IGSF5: variants seen among roughly 807,000 people sequenced by gnomAD.
The protein encoded by IGSF5 is immunoglobulin superfamily 5 like.
Under a neutral mutation model 39.4 loss-of-function variants are expected in IGSF5, and 41 were observed. The observed-to-expected ratio is 1.04, with a 90% CI of 0.81 to 1.35. The LOEUF (loss-of-function observed/expected upper bound fraction) is 1.35, where lower values mean the gene tolerates loss of function less well. Among genes scored for constraint, IGSF5 ranks in the 40% most tolerant of loss-of-function variants. IGSF5 has a pLI of 0.00. For synonymous variants in IGSF5, 183 were observed against 175.3 expected, an observed-to-expected ratio of 1.04 and a Z score of -0.34; for missense variants, 487 against 494.6, an observed-to-expected ratio of 0.98 and a Z score of 0.15.
At chr21:39,760,690 C>T (rs1425816440) in intron 2 of IGSF5, among the ~76,000 whole-genome samples, 1 of 152,076 alleles carries the variant, frequency 6.6e-6, no homozygotes, top group East Asian at 1.9e-4. Context: ...CCTGCTTCAG[C>T]CTCCCGAGTA....
At chr21:39,795,071 A>G (rs1017413261) in intron 8 of IGSF5, among the ~76,000 whole-genome samples, 1 of 152,184 alleles carries the variant, frequency 6.6e-6, no homozygotes, top group Non-Finnish European at 1.5e-5. Flanking sequence ...GGCCTGGGGC[A>G]TAAAGGCAAC....
At chr21:39,723,574 C>T in the IGSF5 span, among the ~76,000 whole-genome samples, 264 of 152,262 alleles carry the variant, frequency 1.7e-3, 1 homozygote, top group Middle Eastern at 6.8e-3. Flanking sequence ...CAAGAAGGAA[C>T]TTGGAATTCA....
chr21:39,759,951 A>G (rs1452713304), intron 2 of IGSF5, among the ~76,000 whole-genome samples: 1 of 151,780 alleles, frequency 6.6e-6, no homozygotes, highest in African/African-American at 2.4e-5. Context: ...TGGCTATTTC[A>G]GGAGAGGAGA....
At chr21:39,790,044 G>T (rs1446491338) in intron 6 of IGSF5, among the ~76,000 whole-genome samples, 1 of 152,158 alleles carries the variant, frequency 6.6e-6, no homozygotes, top group African/African-American at 2.4e-5. Flanking sequence ...GAAATTCACA[G>T]CTAGAACATC....
intron 2 of IGSF5, among the ~76,000 whole-genome samples, chr21:39,750,937 G>A (rs537731952): frequency 8.5e-5 from 13 of 152,220 alleles, no homozygotes; most frequent in Admixed American, 1.3e-4. Flanking sequence ...CCTTGACTCC[G>A]AAGGACTTGG....
intron 8 of IGSF5, among the ~76,000 whole-genome samples, chr21:39,799,118 C>A (rs965902528): frequency 2.6e-5 from 4 of 152,180 alleles, no homozygotes; most frequent in Non-Finnish European, 4.4e-5. Context: ...GGAGCTCCCC[C>A]TTTTGCTCAT....
At chr21:39,799,763 T>C (rs768473520) in intron 8 of IGSF5, among the ~76,000 whole-genome samples, 4 of 152,156 alleles carry the variant, frequency 2.6e-5, no homozygotes. Flanking sequence ...CCAGGGACAC[T>C]CTTAATTAAC....
chr21:39,784,948 T>C (rs1021354646), intron 5 of IGSF5, among the ~76,000 whole-genome samples: 1 of 151,844 alleles, frequency 6.6e-6, no homozygotes. Flanking sequence ...GGCAGCATTC[T>C]AGAGGGTCCC....
Position 39,792,831 on chromosome 21 carries a change from C to A in IGSF5, c.1049-703C>A, listed in dbSNP as rs538864692. Reference sequence around the variant, plus strand: ...AGCAGCAGCAGTTGAGTATTGAAGGCCGATGAGAGGGGAAGGCTGAACCCA... The same window carrying A: ...AGCAGCAGCAGTTGAGTATTGAAGGACGATGAGAGGGGAAGGCTGAACCCA... On this transcript the variant is annotated intron_variant, in intron 7 of 8. Coordinates refer to ENST00000380588, the MANE Select transcript of IGSF5 (RefSeq NM_001080444.2). Among the ~76,000 whole-genome samples the A allele has an allele frequency of 6.6e-5, 10 of 152,216 alleles. No individual in the cohort carries two copies. In the East Asian group the frequency reaches 1.9e-3, roughly 29 times the overall value.
chr21:39,783,776 A>C (rs2146289353), intron 5 of IGSF5, among the ~76,000 whole-genome samples: 2 of 152,288 alleles, frequency 1.3e-5, no homozygotes, highest in Middle Eastern at 6.8e-3. Flanking sequence ...TTGAAGACTT[A>C]GCCATAAAAT....
intron 3 of IGSF5, among the ~76,000 whole-genome samples, chr21:39,769,513 A>G (rs968861498): frequency 3.3e-5 from 5 of 151,064 alleles, no homozygotes; most frequent in African/African-American, 9.7e-5. Context: ...GTTTTGGTAC[A>G]GTATTCAAGA....
chr21:39,786,760 A>G (rs878943025), intron 5 of IGSF5, among the ~76,000 whole-genome samples: 2 of 152,246 alleles, frequency 1.3e-5, no homozygotes, highest in Non-Finnish European at 2.9e-5. Context: ...CATATTCACC[A>G]TGGAATACTA....
rs1296656401 is a variant in IGSF5, at chr21:39,771,219, A to G, written c.718+4A>G. 7 of 1,546,440 alleles carry G rather than the reference A, an allele frequency of 4.5e-6. No homozygotes were observed. Among genetic ancestry groups the G allele is most frequent in the Non-Finnish European group, 6.1e-6 (7 of 1,143,226 alleles). On this transcript the variant is annotated splice_donor_region_variant and intron_variant, in intron 4 of 8. Coordinates refer to ENST00000380588, the MANE Select transcript of IGSF5 (RefSeq NM_001080444.2). ...ACTGTGATTCGGTGTCCCCAAGGTA[A>G]GTGAAGACATTCTGCTTTATATGAA...
chr21:39,759,666 A>G (rs918116141), intron 2 of IGSF5, among the ~76,000 whole-genome samples: 1 of 152,132 alleles, frequency 6.6e-6, no homozygotes, highest in East Asian at 1.9e-4. Flanking sequence ...GGAGATTGAG[A>G]CCATCCTGGC....
At position 39,756,959 on chromosome 21, in the gene IGSF5, C is replaced by T. The variant is rs560237147; in HGVS notation, c.101-8576C>T. 2.0e-5 allele frequency among the ~76,000 whole-genome samples: 3 copies of T among 152,154 alleles called. No homozygotes were observed. In the South Asian group the frequency reaches 6.2e-4, roughly 32 times the overall value. On this transcript the variant is annotated intron_variant, in intron 2 of 8. Coordinates refer to ENST00000380588, the MANE Select transcript of IGSF5 (RefSeq NM_001080444.2). ...GCTTTACCCCATCTATCCTGGCCTC[C>T]CTGAACTCTGACCTCACTCCTTCCA...
intron 8 of IGSF5, among the ~76,000 whole-genome samples, chr21:39,795,510 T>C (rs1206081330): frequency 6.6e-6 from 1 of 151,262 alleles, no homozygotes; most frequent in African/African-American, 2.4e-5. Flanking sequence ...AGATTCAGAA[T>C]AGGGTCATGC....
rs1423214396 is a variant in IGSF5, at chr21:39,765,613, G to A, written c.179G>A (p.Cys60Tyr). 1 of 1,614,116 alleles carries A rather than the reference G, an allele frequency of 6.2e-7. No homozygotes were observed. The highest frequency in any genetic ancestry group is 8.5e-7 in the Non-Finnish European group (1 of 1,179,988). The change falls in exon 3 of 9, where the codon TGC (cysteine) becomes TAC (tyrosine). Residue 60 changes from cysteine to tyrosine, a missense_variant. Transcript: ENST00000380588. ...VLKGSQARFN[C>Y]TVSQGWKLIM... is the part of the protein sequence containing the mutation. ...AAGGGCTCCCAGGCTCGCTTCAACT[G>A]CACCGTCTCCCAGGGCTGGAAGCTC...
the IGSF5 span, among the ~76,000 whole-genome samples, chr21:39,728,488 A>T: frequency 6.6e-6 from 1 of 152,150 alleles, no homozygotes; most frequent in Non-Finnish European, 1.5e-5. Flanking sequence ...GCCTTCCCAC[A>T]TCTTGATCTT....
intron 8 of IGSF5, among the ~76,000 whole-genome samples, chr21:39,800,590 C>T (rs147087757): frequency 2.7e-3 from 413 of 152,328 alleles, no homozygotes; most frequent in African/African-American, 9.5e-3. Context: ...TCAAGACTTG[C>T]TAGCATTCCA....
Sources: allele counts gnomAD v4.1 joint callset (sites outside exome capture counted in the v4.1 genomes callset), GRCh38; gene constraint gnomAD v4.1.1; transcripts MANE v1.5; gene names NCBI Gene and HGNC (gene_info 2026-07-23, HGNC 2026-07-21).